PLEKHG4B: variants seen among roughly 807,000 people sequenced by gnomAD.
PLEKHG4B encodes the protein pleckstrin homology and RhoGEF domain containing G4B, also known as pleckstrin homology domain-containing family G member 4B.
Under a neutral mutation model 121.3 loss-of-function variants are expected in PLEKHG4B, and 111 were observed. The ratio of observed to expected loss-of-function variants is 0.92; its 90% CI spans 0.78 to 1.07. The LOEUF (loss-of-function observed/expected upper bound fraction) is 1.07, where lower values mean the gene tolerates loss of function less well. PLEKHG4B is among the 50% of genes least tolerant of loss of function. The probability of loss-of-function intolerance (pLI) is 0.00; values close to 1 mark genes in which losing one functional copy is unlikely to be tolerated. For synonymous variants in PLEKHG4B, 738 were observed against 725.0 expected (o/e 1.02, Z -0.29); for missense variants, 1,831 against 1,757.8 (o/e 1.04, Z -0.74).
intron 2 of PLEKHG4B, among the ~76,000 whole-genome samples, chr5:127,578 G>A (rs1734658942): frequency 6.6e-6 from 1 of 152,014 alleles, no homozygotes; most frequent in Non-Finnish European, 1.5e-5. Flanking sequence ...TGGCAAAAGG[G>A]CATCACCTCT....
At chr5:152,941 C>G (rs1161350151) in intron 7 of PLEKHG4B, among the ~76,000 whole-genome samples, 1 of 152,220 alleles carries the variant, frequency 6.6e-6, no homozygotes, top group East Asian at 1.9e-4. Flanking sequence ...CCTTTGCCTT[C>G]TGCCATGATT....
chr5:166,934 C>T (rs944053660), intron 13 of PLEKHG4B, among the ~76,000 whole-genome samples: 1 of 152,132 alleles, frequency 6.6e-6, no homozygotes, highest in African/African-American at 2.4e-5. Flanking sequence ...CTTCCGAATC[C>T]GTAAGAGGAA....
At position 113,676 on chromosome 5, in the gene PLEKHG4B, C is replaced by A. The variant is rs1012196222; in HGVS notation, c.243+228C>A. Among the ~76,000 whole-genome samples the A allele has an allele frequency of 1.3e-5, 2 of 152,192 alleles. No individual in the cohort carries two copies. Among genetic ancestry groups the A allele is most frequent in the African/African-American group, 4.8e-5 (2 of 41,454 alleles). The stretch of plus-strand genomic sequence containing the variant: ...TGTGGAGCCCTCTTTGTCCCCCACC[C>A]CCAATAAACTTGCACTGCATTCTTT... On this transcript the variant is annotated intron_variant, in intron 2 of 19. Coordinates refer to ENST00000637938, the MANE Select transcript of PLEKHG4B (RefSeq NM_052909.5). This position sits in a 1 kb window ranked among gnomAD's most constrained non-coding sequence, Gnocchi z 5.2.
chr5:175,290 C>T (rs1449112881), intron 18 of PLEKHG4B, among the ~76,000 whole-genome samples: 1 of 152,052 alleles, frequency 6.6e-6, no homozygotes, highest in Non-Finnish European at 1.5e-5. Context: ...CCCAGGCCTC[C>T]TCCCTCAATG....
intron 17 of PLEKHG4B, 129 bp from the exon 18 acceptor site, chr5:173,789 C>A: frequency 8.9e-7 from 1 of 1,117,622 alleles, no homozygotes. Context: ...CTCGCTCACC[C>A]TGACCCATCC....
In PLEKHG4B at chr5:113,318, C is replaced by T. The variant is rs573944092; in HGVS notation, c.113C>T (p.Thr38Met). 2.8e-5 allele frequency: 11 copies of T among 399,080 alleles called. No homozygotes were observed. Among genetic ancestry groups the T allele is most frequent in the South Asian group, 1.3e-4 (1 of 7,854 alleles). The allele number at this position is 399,080 out of a possible 1,614,324, so 24.7% of individuals were successfully genotyped here. ...GCCTTGTACCCACCGTTTGAAGCCA[C>T]GGCAGCCACGGTGCTCTGGCAGCTG... ...LSALYPPFEA[T>M]AATVLWQLFS... Residue 38 changes from threonine (T) to methionine (M), a missense_variant, in exon 2 of 20, where the codon ACG (threonine) becomes ATG (methionine). Thr to Met is a moderately conservative substitution (Grantham distance 81, BLOSUM62 -1). Coordinates refer to ENST00000637938, the MANE Select transcript of PLEKHG4B (RefSeq NM_052909.5). The surrounding 1 kb of genome is among the most constrained non-coding windows in gnomAD (Gnocchi z 5.2).
At chr5:158,512 C>G (rs1176374927) in intron 11 of PLEKHG4B, among the ~76,000 whole-genome samples, 2 of 149,654 alleles carry the variant, frequency 1.3e-5, no homozygotes, top group Non-Finnish European at 3.0e-5. Context: ...CCTATCTCCC[C>G]TCCTCCCTCT....
rs1733577219 is a variant in PLEKHG4B at position 185,010 on chromosome 5, C to G, written c.*2687C>G. 2 of 152,200 alleles carry G rather than the reference C, an allele frequency of 1.3e-5. No individual in the cohort carries two copies. Among genetic ancestry groups the G allele is most frequent in the African/African-American group, 2.4e-5 (1 of 41,446 alleles). The allele number at this position is 152,200 out of a possible 1,614,324, so 9.4% of individuals were successfully genotyped here. On this transcript the variant is annotated 3_prime_UTR_variant, in exon 20 of 20. Coordinates refer to ENST00000637938, the MANE Select transcript of PLEKHG4B (RefSeq NM_052909.5). ...GTGATACGTGAAGTGAGGGGTATCA[C>G]TTGAAGGTAGATTGTGGTAAGCTAA... is the stretch of plus-strand genomic sequence containing the variant.
chr5:172,504 G>C (rs1482922107), intron 16 of PLEKHG4B, among the ~76,000 whole-genome samples: 1 of 152,236 alleles, frequency 6.6e-6, no homozygotes, highest in Non-Finnish European at 1.5e-5. Context: ...ATGGACGCGA[G>C]GGCTTTGAAG....
intron 6 of PLEKHG4B, 60 bp from the exon 7 acceptor site, chr5:151,448 AATTCT>A (rs1294107605): frequency 1.8e-6 from 2 of 1,129,088 alleles, no homozygotes; most frequent in Admixed American, 2.2e-5. Flanking sequence ...AAAATTGGGC[AATTCT>A]ATTAATGAAG....
rs1321037031 is a variant in PLEKHG4B, at chr5:137,593, C to A, written c.244-1890C>A. ...TCATCAAATATTTGATATGTAGAGA[C>A]CTGTAGACCCCTGTGGGAGGGCAAA... On this transcript the variant is annotated intron_variant, in intron 2 of 19. Transcript: ENST00000637938. This position sits in a 1 kb window ranked among gnomAD's most constrained non-coding sequence, Gnocchi z 4.2. Among the ~76,000 whole-genome samples, 1 of 152,158 alleles carries A rather than the reference C, an allele frequency of 6.6e-6. No individual in the cohort carries two copies. The highest frequency in any genetic ancestry group is 1.9e-4 in the East Asian group (1 of 5,190).
chr5:156,026 C>A lies in PLEKHG4B; in HGVS notation c.2209-45C>A, dbSNP rs550749188. ...CTGTCACACTTGGGAGGACCTGCCC[C>A]TTGGAGGAGGGAGTTAAAGGCTTAT... is the stretch of plus-strand genomic sequence containing the variant. On this transcript the variant is annotated intron_variant, in intron 9 of 19. Transcript: ENST00000637938. The surrounding 1 kb of genome is among the most constrained non-coding windows in gnomAD (Gnocchi z 4.4). 1 of 1,492,706 alleles carries A rather than the reference C, an allele frequency of 6.7e-7. No homozygotes were observed. Among genetic ancestry groups the A allele is most frequent in the East Asian group, 2.4e-5 (1 of 41,852 alleles). The allele number at this position is 1,492,706 out of a possible 1,614,324, so 92.5% of individuals were successfully genotyped here.
intron 11 of PLEKHG4B, among the ~76,000 whole-genome samples, chr5:158,663 G>T (rs1433774443): frequency 7.1e-6 from 1 of 140,012 alleles, no homozygotes; most frequent in African/African-American, 2.7e-5. Flanking sequence ...CATCCTGGGG[G>T]ATCTCCCCCA....
At chr5:144,984 C>T in intron 6 of PLEKHG4B, 64 bp downstream of exon 6, 1 of 1,464,350 alleles carries the variant, frequency 6.8e-7, no homozygotes, top group East Asian at 2.3e-5. Flanking sequence ...GTTGCTGGGG[C>T]TGCCCACATC....
Position 163,015 on chromosome 5 carries a change from G to A in PLEKHG4B, c.2943G>A (p.Gln981=). 6.4e-7 allele frequency: 1 copy of A among 1,564,636 alleles called. No homozygotes were observed. The highest frequency in any genetic ancestry group is 8.7e-7 in the Non-Finnish European group (1 of 1,154,556). ...GCCCCCCAAAGCATGAGCGTGCCCA[G>A]GAGGCCATGAGGAGGCACCAGAAGC... ...AQSPPKHERA[Q]EAMRRHQKPP... is the part of the protein sequence containing the mutation. Residue 981 remains glutamine (Q), a synonymous_variant, in exon 13 of 20, where the codon CAG becomes CAA. Coordinates refer to ENST00000637938, the MANE Select transcript of PLEKHG4B (RefSeq NM_052909.5).
intron 14 of PLEKHG4B, 136 bp downstream of exon 14, chr5:169,728 A>C: frequency 1.5e-6 from 2 of 1,333,004 alleles, no homozygotes; most frequent in Non-Finnish European, 2.0e-6. Context: ...TCCTGACAGG[A>C]TGTTAAGACC....
At chr5:105,880 G>A (rs985704823) in intron 1 of PLEKHG4B, among the ~76,000 whole-genome samples, 2 of 152,218 alleles carry the variant, frequency 1.3e-5, no homozygotes, top group African/African-American at 4.8e-5. Context: ...GAAGCTGGGG[G>A]GGCCCATGAG....
intron 1 of PLEKHG4B, among the ~76,000 whole-genome samples, chr5:99,035 A>G (rs1200332003): frequency 6.8e-6 from 1 of 146,324 alleles, no homozygotes; most frequent in East Asian, 2.0e-4. Context: ...GTGCACCTGT[A>G]ATCCCAGCTA....
At chr5:95,615 A>G (rs374437006) in intron 1 of PLEKHG4B, among the ~76,000 whole-genome samples, 1 of 151,942 alleles carries the variant, frequency 6.6e-6, no homozygotes, top group African/African-American at 2.4e-5. Context: ...TCTAAGACAA[A>G]TTTGCCTTTG....
Sources: gnomAD v4.1 joint callset for allele counts (sites outside exome capture counted in the v4.1 genomes callset) on GRCh38, gnomAD v4.1.1 for gene constraint, Gnocchi (gnomAD v3.1) non-coding constraint, MANE v1.5 for transcripts, NCBI Gene and HGNC (gene_info 2026-07-23, HGNC 2026-07-21) for gene names.